The following RAB38 variants were observed in gnomAD, a reference collection of about 807,000 sequenced individuals.
RAB38 encodes RAB38, member RAS oncogene family, also known as ras-related protein Rab-38.
A neutral mutation model predicts 18.4 loss-of-function variants in RAB38; 15 were observed. That is an observed-to-expected ratio of 0.82 (90% CI 0.55 to 1.26). The LOEUF is 1.26. Among genes scored for constraint, RAB38 ranks in the 50% most tolerant of loss-of-function variants. The probability of loss-of-function intolerance (pLI) is 0.00; values close to 1 mark genes in which losing one functional copy is unlikely to be tolerated. For missense variants in RAB38, 294 were observed against 267.4 expected (o/e 1.10, Z -0.69); for synonymous variants, 101 against 104.4 (o/e 0.97, Z 0.20).
intron 2 of RAB38, among the ~76,000 whole-genome samples, chr11:88,134,539 GGCC>G (rs1591162662): frequency 6.6e-6 from 1 of 152,176 alleles, no homozygotes; most frequent in African/African-American, 2.4e-5. Flanking sequence ...CACATCACCT[GGCC>G]GCCAATTCTA....
the RAB38 span, among the ~76,000 whole-genome samples, chr11:87,934,745 A>G: frequency 2.6e-5 from 4 of 152,132 alleles, no homozygotes; most frequent in Non-Finnish European, 4.4e-5. Flanking sequence ...TGATCAGGAA[A>G]AAAGAAACCA....
the RAB38 span, among the ~76,000 whole-genome samples, chr11:87,823,309 A>ACT: frequency 9.9e-5 from 15 of 152,180 alleles, no homozygotes; most frequent in Non-Finnish European, 1.5e-5. Flanking sequence ...GTAGATTAAA[A>ACT]AACTGAATAT....
chr11:88,093,380 T>A, the RAB38 span, among the ~76,000 whole-genome samples: 1 of 151,920 alleles, frequency 6.6e-6, no homozygotes, highest in African/African-American at 2.4e-5. Flanking sequence ...CAATTGGAAG[T>A]GACTACTAAT....
chr11:88,164,583 G>A (rs1943226532), intron 1 of RAB38, among the ~76,000 whole-genome samples: 1 of 151,914 alleles, frequency 6.6e-6, no homozygotes, highest in Non-Finnish European at 1.5e-5. Context: ...ATAGTAAACT[G>A]TGGTGATTAA....
At chr11:88,118,989 A>C (rs1038685562) in intron 2 of RAB38, among the ~76,000 whole-genome samples, 2 of 152,178 alleles carry the variant, frequency 1.3e-5, no homozygotes, top group African/African-American at 4.8e-5. Flanking sequence ...TATCTTAGCC[A>C]ATCTGTCATT....
the RAB38 span, among the ~76,000 whole-genome samples, chr11:87,905,947 C>T: frequency 6.6e-6 from 1 of 151,974 alleles, no homozygotes; most frequent in East Asian, 1.9e-4. Flanking sequence ...ATTTCTGTCT[C>T]TTCAGCTCAG....
chr11:88,107,796 C>T, the RAB38 span, among the ~76,000 whole-genome samples: 49 of 152,286 alleles, frequency 3.2e-4, 1 homozygote, highest in East Asian at 3.7e-3. Flanking sequence ...TTAGCCATGT[C>T]CCAGAGATTC....
the RAB38 span, among the ~76,000 whole-genome samples, chr11:88,032,079 A>G: frequency 3.3e-5 from 5 of 151,550 alleles, no homozygotes; most frequent in South Asian, 2.1e-4. Flanking sequence ...AATGCCGCAT[A>G]TCTACAACTA....
the RAB38 span, among the ~76,000 whole-genome samples, chr11:87,899,126 C>A: frequency 6.6e-6 from 1 of 151,548 alleles, no homozygotes; most frequent in African/African-American, 2.4e-5. Context: ...AATAAAATGT[C>A]CATTACTGTG....
the RAB38 span, among the ~76,000 whole-genome samples, chr11:87,840,868 C>G: frequency 0.046 from 7,040 of 151,956 alleles, 298 homozygotes; most frequent in Admixed American, 0.14. Context: ...ATTTTTTTAA[C>G]CCATATTAAT....
the RAB38 span, among the ~76,000 whole-genome samples, chr11:87,877,677 C>T: frequency 6.6e-6 from 1 of 151,562 alleles, no homozygotes; most frequent in African/African-American, 2.4e-5. Context: ...CCTTACATTT[C>T]ATCCCCAGGT....
chr11:88,111,784 T>G (rs1485805431), downstream of RAB38, among the ~76,000 whole-genome samples: 1 of 152,194 alleles, frequency 6.6e-6, no homozygotes, highest in Non-Finnish European at 1.5e-5. Flanking sequence ...TATCCCTCTT[T>G]TGGGAACACT....
At chr11:88,102,949 C>T in the RAB38 span, among the ~76,000 whole-genome samples, 3 of 152,044 alleles carry the variant, frequency 2.0e-5, no homozygotes, top group East Asian at 5.8e-4. Flanking sequence ...TCTGATATGT[C>T]ATTCCACAGA....
chr11:88,038,155 G>T, the RAB38 span, among the ~76,000 whole-genome samples: 1 of 152,062 alleles, frequency 6.6e-6, no homozygotes, highest in South Asian at 2.1e-4. Flanking sequence ...TCAGTTACAT[G>T]ACCCAAGATA....
chr11:88,018,174 A>G, the RAB38 span, among the ~76,000 whole-genome samples: 9 of 151,512 alleles, frequency 5.9e-5, no homozygotes, highest in Admixed American at 2.0e-4. Flanking sequence ...ACCTTCCCCT[A>G]TCAACTTTTT....
the RAB38 span, among the ~76,000 whole-genome samples, chr11:87,810,659 A>C: frequency 1.3e-5 from 2 of 152,198 alleles, no homozygotes; most frequent in African/African-American, 4.8e-5. Flanking sequence ...CAATGGTTAC[A>C]TTCTTTCCAC....
the RAB38 span, among the ~76,000 whole-genome samples, chr11:88,106,444 CA>C: frequency 7.3e-4 from 111 of 151,664 alleles, no homozygotes; most frequent in African/African-American, 2.4e-3. Context: ...TTGATATTTA[CA>C]AAAAAAACAC....
the RAB38 span, among the ~76,000 whole-genome samples, chr11:87,821,426 G>A: frequency 6.6e-6 from 1 of 152,172 alleles, no homozygotes; most frequent in Non-Finnish European, 1.5e-5. Flanking sequence ...AAGTTTACCA[G>A]CAATGACTCT....
chr11:87,960,071 A>G, the RAB38 span, among the ~76,000 whole-genome samples: 3 of 152,188 alleles, frequency 2.0e-5, no homozygotes, highest in South Asian at 2.1e-4. Flanking sequence ...TATGTAGCCT[A>G]TGAGTGTCAA....
Sources: allele counts gnomAD v4.1 joint callset (sites outside exome capture counted in the v4.1 genomes callset), GRCh38; gene constraint gnomAD v4.1.1; transcripts MANE v1.5; gene names NCBI Gene and HGNC (gene_info 2026-07-23, HGNC 2026-07-21).